POU2AF1: variants seen among roughly 807,000 people sequenced by gnomAD.
POU2AF1 encodes POU domain class 2-associating factor 1.
A neutral mutation model predicts 26.3 loss-of-function variants in POU2AF1; 12 were observed. That is an observed-to-expected ratio of 0.46 (90% CI 0.29 to 0.74). POU2AF1 has a LOEUF of 0.74. POU2AF1 is among the 30% of genes least tolerant of loss of function. POU2AF1 has a pLI of 0.09. For missense variants in POU2AF1, 297 were observed against 334.5 expected (o/e 0.89, Z 0.87); for synonymous variants, 175 against 148.0 (o/e 1.18, Z -1.32).
intron 1 of POU2AF1, chr11:111,363,282 G>C: frequency 9.8e-7 from 1 of 1,023,964 alleles, no homozygotes; most frequent in Non-Finnish European, 1.2e-6. Context: ...ACTGACTCCA[G>C]CTGAGCAGGT....
At chr11:111,372,063 C>G (rs373567001) in intron 1 of POU2AF1, among the ~76,000 whole-genome samples, 97,982 of 144,060 alleles carry the variant, frequency 0.68, 34,035 homozygotes, top group Admixed American at 0.79. Flanking sequence ...CACACACACA[C>G]ACACACAGAG....
At chr11:111,358,374 ACTCTCT>A (rs147777787) in intron 2 of POU2AF1, among the ~76,000 whole-genome samples, 27 of 111,328 alleles carry the variant, frequency 2.4e-4, no homozygotes, top group South Asian at 8.9e-4. Context: ...ACACTCACAC[ACTCTCT>A]CACACACACT....
At chr11:111,363,595 T>G (rs1390349427) in intron 1 of POU2AF1, among the ~76,000 whole-genome samples, 2 of 152,230 alleles carry the variant, frequency 1.3e-5, no homozygotes, top group African/African-American at 4.8e-5. Context: ...ATCCCTGAAT[T>G]AACTTCAAAA....
rs778020947 is a variant in POU2AF1, at chr11:111,352,927, C to T, written c.*1334G>A. 14 of 173,074 alleles carry T rather than the reference C, an allele frequency of 8.1e-5. No homozygotes were observed. The highest frequency in any genetic ancestry group is 2.5e-4 in the African/African-American group (10 of 40,658). The allele number at this position is 173,074 out of a possible 1,614,324, so 10.7% of individuals were successfully genotyped here. ...CAGCCTGGGCAATGGAGTGAGACTC[C>T]GTCCCAAAAAAAACCAAAAAAAAGA... On this transcript the variant is annotated 3_prime_UTR_variant, in exon 5 of 5. Transcript: ENST00000393067.
chr11:111,375,382 CTGAG>C (rs961901767), intron 1 of POU2AF1, among the ~76,000 whole-genome samples: 5 of 127,682 alleles, frequency 3.9e-5, no homozygotes, highest in Non-Finnish European at 6.5e-5. Flanking sequence ...CCCCAGGATA[CTGAG>C]TATCTTTTTT....
intron 1 of POU2AF1, among the ~76,000 whole-genome samples, chr11:111,375,539 G>A (rs1052812225): frequency 6.6e-6 from 1 of 151,930 alleles, no homozygotes; most frequent in Non-Finnish European, 1.5e-5. Flanking sequence ...TGGGACTACA[G>A]GGGCCTGCCA....
chr11:111,354,303 G>A lies in POU2AF1; in HGVS notation c.729C>T (p.Asp243=), dbSNP rs11213848. ...AGAGAGTGTGGTTAAGCGCATAGGCGTCGCTATCCTCTTCCTCCAAAAGCA... is the reference window on the plus strand; with the variant it reads ...AGAGAGTGTGGTTAAGCGCATAGGCATCGCTATCCTCTTCCTCCAAAAGCA... ...DKLLLEEEDS[D]AYALNHTLSV... The change falls in exon 5 of 5, where the codon GAC becomes GAT. Residue 243 remains aspartate (D), a synonymous_variant. Transcript: ENST00000393067. 42,867 of 1,614,192 alleles carry A rather than the reference G, an allele frequency of 0.027. 713 individuals are homozygous for A. The highest frequency in any genetic ancestry group is 0.03 in the Non-Finnish European group (34,835 of 1,180,006).
chr11:111,375,254 A>G (rs1861284979), intron 1 of POU2AF1, among the ~76,000 whole-genome samples: 2 of 152,224 alleles, frequency 1.3e-5, no homozygotes, highest in Non-Finnish European at 2.9e-5. Flanking sequence ...TCAGTTTATT[A>G]TACACAGTTC....
Position 111,358,895 on chromosome 11 carries a change from C to T in POU2AF1, c.40G>A (p.Ala14Thr). Residue 14 changes from alanine (A) to threonine (T), a missense_variant, in exon 2 of 5, where the codon GCC (alanine) becomes ACC (threonine). Transcript: ENST00000393067. Reference protein sequence around the residue: ...QKPTAPEQAPAPARPYQGVRV... With the variant: ...QKPTAPEQAPTPARPYQGVRV... ...ACGCCCTGGTATGGCCGGGCCGGGG[C>T]TGGGGCTTGCTCCGGAGCTGTGGCT... is the stretch of plus-strand genomic sequence containing the variant. 6.2e-7 allele frequency: 1 copy of T among 1,606,566 alleles called. No individual in the cohort carries two copies. Among genetic ancestry groups the T allele is most frequent in the Non-Finnish European group, 8.5e-7 (1 of 1,179,768 alleles).
At chr11:111,358,403 TA>T (rs1860909670) in intron 2 of POU2AF1, among the ~76,000 whole-genome samples, 1 of 22,066 alleles carries the variant, frequency 4.5e-5, no homozygotes, top group Admixed American at 6.8e-4. Context: ...CTCACACACA[TA>T]CTCTCTCACA....
At chr11:111,359,596 G>C (rs371323777) in intron 1 of POU2AF1, among the ~76,000 whole-genome samples, 1 of 152,178 alleles carries the variant, frequency 6.6e-6, no homozygotes, top group Non-Finnish European at 1.5e-5. Flanking sequence ...CTTTATCAAA[G>C]GAATATTGAG....
At chr11:111,355,637 T>C (rs1462608446) in intron 4 of POU2AF1, among the ~76,000 whole-genome samples, 7 of 152,182 alleles carry the variant, frequency 4.6e-5, no homozygotes, top group Admixed American at 2.6e-4. Flanking sequence ...AAGTCTAGAG[T>C]GGGGCCTGGG....
chr11:111,358,694 A>G, intron 2 of POU2AF1, 94 bp downstream of exon 2: 1 of 1,353,786 alleles, frequency 7.4e-7, no homozygotes, highest in Non-Finnish European at 9.9e-7. Flanking sequence ...ACGCATACAC[A>G]TACTCACACA....
chr11:111,357,344 G>C, intron 4 of POU2AF1, 101 bp downstream of exon 4: 2 of 1,516,740 alleles, frequency 1.3e-6, no homozygotes, highest in Non-Finnish European at 1.8e-6. Context: ...TGATTATCTT[G>C]AGAATCAATA....
chr11:111,358,582 T>TC (rs1860929192), intron 2 of POU2AF1, among the ~76,000 whole-genome samples: 1 of 126,324 alleles, frequency 7.9e-6, no homozygotes, highest in Admixed American at 8.6e-5. Context: ...ACACTCACAC[T>TC]CCCTCACACA....
chr11:111,363,033 T>C (rs1861040829), intron 1 of POU2AF1: 4 of 700,628 alleles, frequency 5.7e-6, no homozygotes, highest in South Asian at 1.3e-4. Flanking sequence ...TCCTACTGTT[T>C]CTAAGTCGAT....
In POU2AF1 at chr11:111,360,942, CAA is replaced by C. The variant is rs200008065; in HGVS notation, c.17-2026_17-2025del. Among the ~76,000 whole-genome samples the C allele has an allele frequency of 8.7e-3, 758 of 86,654 alleles. 9 individuals are homozygous for C. The highest frequency in any genetic ancestry group is 0.027 in the African/African-American group (684 of 25,440). The allele number at this position is 86,654 out of a possible 152,430, so 56.8% of individuals were successfully genotyped here. A position where few individuals can be genotyped will look rare whatever the true frequency, so the allele number is the denominator to read the frequency against. ...CTGGCAACAGAGAGAGACTCTGTCTCAAAAAAAAAAAAAAAAAATCTGTCCAG... is the reference window on the plus strand; with the variant it reads ...CTGGCAACAGAGAGAGACTCTGTCTCAAAAAAAAAAAAAAAATCTGTCCAG... On this transcript the variant is annotated intron_variant, in intron 1 of 4. Transcript: ENST00000393067.
rs1273289326 is a variant in POU2AF1 at position 111,363,374 on chromosome 11, G to A, written c.17-4456C>T. On this transcript the variant is annotated intron_variant, in intron 1 of 4. Transcript: ENST00000393067. The stretch of plus-strand genomic sequence containing the variant: ...CTGAAGCTTCAAGACGATTCCAAAG[G>A]AGCCCAACGGCCAAGTGTTTTTGCA... 10 of 1,020,072 alleles carry A rather than the reference G, an allele frequency of 9.8e-6. No individual in the cohort carries two copies. In the East Asian group the frequency reaches 6.5e-4, roughly 66 times the overall value. 63.2% of individuals were successfully genotyped at this position (1,020,072 alleles called of 1,614,324 possible). A position where few individuals can be genotyped will look rare whatever the true frequency, so the allele number is the denominator to read the frequency against.
At chr11:111,364,011 T>C in intron 1 of POU2AF1, 1 of 984,818 alleles carries the variant, frequency 1.0e-6, no homozygotes, top group Non-Finnish European at 1.2e-6. Context: ...GCCAATGGAG[T>C]TTGAGGGGGA....
Sources: gnomAD v4.1 joint callset for allele counts (sites outside exome capture counted in the v4.1 genomes callset) on GRCh38, gnomAD v4.1.1 for gene constraint, MANE v1.5 for transcripts, NCBI Gene and HGNC (gene_info 2026-07-23, HGNC 2026-07-21) for gene names.